The following SH3BP5 variants were observed in gnomAD, a reference collection of about 807,000 sequenced individuals.
The protein encoded by SH3BP5 is SH3 domain-binding protein 5.
Under a neutral mutation model 43.3 loss-of-function variants are expected in SH3BP5, and 22 were observed. The ratio of observed to expected loss-of-function variants is 0.51; its 90% CI spans 0.36 to 0.73. SH3BP5 has a LOEUF of 0.73. Ranked by LOEUF, SH3BP5 falls within the 30% of genes least tolerant of loss-of-function variation. SH3BP5 has a pLI of 0.00. For synonymous variants in SH3BP5, 255 were observed against 225.8 expected (o/e 1.13, Z -1.16); for missense variants, 529 against 586.9 (o/e 0.90, Z 1.02).
chr3:15,285,759 C>T (rs1341017134), intron 3 of SH3BP5, among the ~76,000 whole-genome samples: 1 of 152,232 alleles, frequency 6.6e-6, no homozygotes, highest in East Asian at 1.9e-4. Flanking sequence ...ATTGGCTCTT[C>T]TCTTCCCACC....
chr3:15,330,462 G>A (rs1237505105), intron 2 of SH3BP5, 42 bp downstream of exon 2: 6 of 1,518,168 alleles, frequency 4.0e-6, no homozygotes, highest in Non-Finnish European at 5.5e-6. Flanking sequence ...GCCGGTGTGA[G>A]TGACATCACT....
chr3:15,304,305 C>A (rs1697836262), intron 2 of SH3BP5, 74 bp from the exon 3 acceptor site: 1 of 1,609,360 alleles, frequency 6.2e-7, no homozygotes. Context: ...TGGACCTAGA[C>A]AGAAACATCA....
chr3:15,269,041 T>C (rs190331989), intron 4 of SH3BP5, among the ~76,000 whole-genome samples: 15 of 152,296 alleles, frequency 9.8e-5, no homozygotes, highest in Admixed American at 2.0e-4. Context: ...GTATTTTGTT[T>C]AGTATTTTGT....
At chr3:15,279,186 C>CA (rs200995310) in intron 3 of SH3BP5, among the ~76,000 whole-genome samples, 3,616 of 150,502 alleles carry the variant, frequency 0.024, 179 homozygotes, top group East Asian at 0.11. Context: ...AAGAAACAAA[C>CA]AAAAAAAAAG....
At chr3:15,330,677 G>C in intron 1 of SH3BP5, 111 bp from the exon 2 acceptor site, 1 of 1,396,530 alleles carries the variant, frequency 7.2e-7, no homozygotes, top group Non-Finnish European at 9.3e-7. Context: ...CAGGAAAAGG[G>C]AAGAATCAGA....
intron 2 of SH3BP5, among the ~76,000 whole-genome samples, chr3:15,330,286 G>A (rs539496765): frequency 1.3e-5 from 2 of 152,214 alleles, no homozygotes; most frequent in African/African-American, 4.8e-5. Flanking sequence ...GCCCCATGGA[G>A]CTTCCATAAT....
chr3:15,302,942 G>A (rs1186557399), intron 3 of SH3BP5, among the ~76,000 whole-genome samples: 1 of 151,904 alleles, frequency 6.6e-6, no homozygotes, highest in Admixed American at 6.6e-5. Context: ...CCTAGTGACT[G>A]GGATTACAGG....
intron 4 of SH3BP5, among the ~76,000 whole-genome samples, chr3:15,267,952 T>G (rs951601634): frequency 1.3e-5 from 2 of 152,252 alleles, no homozygotes; most frequent in Non-Finnish European, 2.9e-5. Context: ...AAAGTGGCCC[T>G]TCAGCTAATT....
chr3:15,323,954 G>A lies in SH3BP5; in HGVS notation c.201+6550C>T, dbSNP rs192399944. ...TTCCCCAAAGGGAAATAAGCAGTAT[G>A]GGGGGACCACTGAAGCCCAAGGCCT... On this transcript the variant is annotated intron_variant, in intron 2 of 8. Transcript: ENST00000383791. 4.6e-4 allele frequency among the ~76,000 whole-genome samples: 70 copies of A among 152,280 alleles called. 1 individual carries two copies. Among genetic ancestry groups the A allele is most frequent in the Non-Finnish European group, 9.0e-4 (61 of 68,028 alleles).
At chr3:15,272,728 A>G (rs1696851844) in intron 3 of SH3BP5, among the ~76,000 whole-genome samples, 1 of 148,502 alleles carries the variant, frequency 6.7e-6, no homozygotes, top group African/African-American at 2.5e-5. Context: ...AGGAGATTCG[A>G]TGATACCTCA....
chr3:15,267,702 C>A (rs982721142), intron 4 of SH3BP5, among the ~76,000 whole-genome samples: 1 of 152,128 alleles, frequency 6.6e-6, no homozygotes, highest in Admixed American at 6.5e-5. Flanking sequence ...CTCCAAAAAG[C>A]GCTATTCCCA....
At chr3:15,259,697 C>T in intron 6 of SH3BP5, 64 bp downstream of exon 6, 2 of 1,478,118 alleles carry the variant, frequency 1.4e-6, no homozygotes, top group Admixed American at 1.7e-5. Context: ...TCTGCTACCC[C>T]AGAAAAGTGA....
intron 3 of SH3BP5, among the ~76,000 whole-genome samples, chr3:15,296,851 G>C (rs941069763): frequency 1.4e-5 from 2 of 140,834 alleles, no homozygotes; most frequent in Non-Finnish European, 3.0e-5. Context: ...GCACCACCAT[G>C]TCTGGCTTCT....
At chr3:15,331,425 A>T (rs1047125540) in intron 1 of SH3BP5, among the ~76,000 whole-genome samples, 1 of 152,222 alleles carries the variant, frequency 6.6e-6, no homozygotes, top group Admixed American at 6.5e-5. Context: ...AATTTTTTTA[A>T]AAAAATGATT....
chr3:15,289,999 C>A (rs1383834812), intron 3 of SH3BP5, among the ~76,000 whole-genome samples: 2 of 152,150 alleles, frequency 1.3e-5, no homozygotes, highest in Non-Finnish European at 2.9e-5. Flanking sequence ...TTAGAAATAA[C>A]ACCAAGCACT....
chr3:15,306,005 CTGCCTGACAA>C (rs1697892945), intron 2 of SH3BP5, among the ~76,000 whole-genome samples: 1 of 148,102 alleles, frequency 6.8e-6, no homozygotes, highest in African/African-American at 2.5e-5. Flanking sequence ...CCTCAGGCAT[CTGCCTGACAA>C]AGCCACACCT....
At chr3:15,321,725 T>C (rs1334154014) in intron 2 of SH3BP5, among the ~76,000 whole-genome samples, 2 of 149,852 alleles carry the variant, frequency 1.3e-5, no homozygotes, top group African/African-American at 4.9e-5. Context: ...TCTTCTCCCA[T>C]CCAATCCACC....
In SH3BP5 at chr3:15,284,001, A is replaced by G. The variant is rs111436764; in HGVS notation, c.331-14124T>C. On this transcript the variant is annotated intron_variant, in intron 3 of 8. Transcript: ENST00000383791. ...AAGGTCACAGGGCTAGAAAGGAAGG[A>G]GACTGGGACTCATACCCAGGTCTCC... 4.6e-5 allele frequency among the ~76,000 whole-genome samples: 7 copies of G among 152,344 alleles called. 1 individual carries two copies. The highest frequency in any genetic ancestry group is 1.7e-4 in the African/African-American group (7 of 41,582).
intron 3 of SH3BP5, among the ~76,000 whole-genome samples, chr3:15,283,234 C>T (rs1393643317): frequency 2.6e-5 from 4 of 152,236 alleles, no homozygotes; most frequent in Middle Eastern, 3.4e-3. Flanking sequence ...CCCGTCTCTA[C>T]TAAAAGTACA....
Sources: allele counts gnomAD v4.1 joint callset (sites outside exome capture counted in the v4.1 genomes callset), GRCh38; gene constraint gnomAD v4.1.1; transcripts MANE v1.5; gene names NCBI Gene and HGNC (gene_info 2026-07-23, HGNC 2026-07-21).